The following ZNF160 variants were observed in gnomAD, a reference collection of about 807,000 sequenced individuals.
The protein encoded by ZNF160 is zinc finger protein 160, also known as KRAB zinc finger protein KR18.
A neutral mutation model predicts 13.1 loss-of-function variants in ZNF160; 9 were observed. That is an observed-to-expected ratio of 0.69 (90% confidence interval 0.41 to 1.20). ZNF160 has a LOEUF of 1.20. ZNF160 is among the 50% of genes most tolerant of loss of function. The pLI, the probability that ZNF160 is intolerant of heterozygous loss-of-function variation, is 0.01. For synonymous variants in ZNF160, 293 were observed against 333.2 expected, an observed-to-expected ratio of 0.88 and a Z score of 1.31; for missense variants, 838 against 988.0, an observed-to-expected ratio of 0.85 and a Z score of 2.04.
At chr19:53,079,691 C>T (rs1382909762) in intron 3 of ZNF160, among the ~76,000 whole-genome samples, 4 of 144,524 alleles carry the variant, frequency 2.8e-5, no homozygotes, top group African/African-American at 1.0e-4. Context: ...TGCATCCAAC[C>T]GAAAAACTTT....
chr19:53,090,219 C>G (rs373863995), intron 2 of ZNF160, among the ~76,000 whole-genome samples: 1 of 152,128 alleles, frequency 6.6e-6, no homozygotes, highest in Non-Finnish European at 1.5e-5. Flanking sequence ...AATTCCTCCT[C>G]CTCTCCCCCA....
chr19:53,069,196 A>G lies in ZNF160; in HGVS notation c.1338T>C (p.Val446=). The G allele has an allele frequency of 6.2e-7, 1 of 1,613,968 alleles. No homozygotes were observed. The highest frequency in any genetic ancestry group is 8.5e-7 in the Non-Finnish European group (1 of 1,179,918). The part of the protein sequence containing the change: ...YNSYLGRHRR[V]HTGEKPYKCN... Reference sequence around the variant, plus strand: ...ACTTGTAAGGTTTCTCACCAGTATGAACTCTCCGATGCCTTCCGAGGTATG... The same window carrying G: ...ACTTGTAAGGTTTCTCACCAGTATGGACTCTCCGATGCCTTCCGAGGTATG... The change falls in exon 6 of 6, where the codon GTT becomes GTC. Residue 446 remains valine (V), a synonymous_variant. Coordinates refer to ENST00000683776, the MANE Select transcript of ZNF160 (RefSeq NM_001322131.2). The surrounding 1 kb of genome is among the most constrained non-coding windows in gnomAD (Gnocchi z 4.4).
rs1302031241 is a variant in ZNF160 at position 53,070,155 on chromosome 19, C to T, written c.379G>A (p.Glu127Lys). ...VLERHESPDI[E>K]DFSFKEPQKN... ...TGGGGTTCCTTGAAGGAAAAGTCTT[C>T]AATGTCAGGGCTTTCGTGTCTTTCC... Residue 127 changes from glutamate to lysine, a missense_variant, in exon 6 of 6, where the codon GAA becomes AAA. Glu to Lys is a moderately conservative substitution (Grantham distance 56). Around this residue, in one of 3 missense-constraint regions of ZNF160, gnomAD observed 387 missense variants for 402.3 expected, o/e 0.96. Coordinates refer to ENST00000683776, the MANE Select transcript of ZNF160 (RefSeq NM_001322131.2). 1 of 1,614,138 alleles carries T rather than the reference C, an allele frequency of 6.2e-7. No homozygotes were observed. Among genetic ancestry groups the T allele is most frequent in the African/African-American group, 1.3e-5 (1 of 75,046 alleles).
chr19:53,094,085 G>A (rs944710545), intron 1 of ZNF160, among the ~76,000 whole-genome samples: 1 of 152,112 alleles, frequency 6.6e-6, no homozygotes, highest in Non-Finnish European at 1.5e-5. Context: ...GCATCCGAAA[G>A]CTTCTTGATC....
At chr19:53,075,894 G>A in intron 3 of ZNF160, 1 of 498,218 alleles carries the variant, frequency 2.0e-6, no homozygotes, top group Non-Finnish European at 4.0e-6. Context: ...TGTGTGCGCT[G>A]TTGTGGGATT....
chr19:53,079,789 T>C (rs1182857514), intron 3 of ZNF160, among the ~76,000 whole-genome samples: 1 of 151,824 alleles, frequency 6.6e-6, no homozygotes, highest in East Asian at 2.0e-4. Flanking sequence ...ACAGAAGGCA[T>C]TCAAACAGAA....
intron 1 of ZNF160, among the ~76,000 whole-genome samples, 173 bp from the exon 2 acceptor site, chr19:53,091,893 T>C (rs1051535240): frequency 2.0e-5 from 3 of 152,236 alleles, no homozygotes; most frequent in Admixed American, 2.0e-4. Context: ...TCAACCTCGG[T>C]TCCAGAGCAG....
At chr19:53,071,904 A>G (rs919916263) in intron 5 of ZNF160, among the ~76,000 whole-genome samples, 14 of 152,216 alleles carry the variant, frequency 9.2e-5, no homozygotes, top group African/African-American at 3.1e-4. Context: ...TTATAATGGC[A>G]AAGAGCTCAC....
chr19:53,069,036 G>C lies in ZNF160; in HGVS notation c.1498C>G (p.Arg500Gly), dbSNP rs200872121. The change falls in exon 6 of 6, where the codon CGA (arginine) becomes GGA (glycine). Residue 500 changes from arginine to glycine, a missense_variant. Coordinates refer to ENST00000683776, the MANE Select transcript of ZNF160 (RefSeq NM_001322131.2). This position sits in a 1 kb window ranked among gnomAD's most constrained non-coding sequence, Gnocchi z 4.4. ...GGTTTCTCTCCAGTATGAATTCTTC[G>C]ATGATTTGCAAGTTGTGAATTTTGA... Reference protein sequence around the residue: ...FTQNSQLANHRRIHTGEKPYK... With the variant: ...FTQNSQLANHGRIHTGEKPYK... 1 of 1,613,822 alleles carries C rather than the reference G, an allele frequency of 6.2e-7. No homozygotes were observed. Among genetic ancestry groups the C allele is most frequent in the Non-Finnish European group, 8.5e-7 (1 of 1,179,956 alleles).
chr19:53,094,677 T>G (rs1487617544), intron 1 of ZNF160, among the ~76,000 whole-genome samples: 1 of 152,204 alleles, frequency 6.6e-6, no homozygotes, highest in Non-Finnish European at 1.5e-5. Context: ...CTTAAATTGT[T>G]TGAAATGTTG....
At chr19:53,076,702 AC>A (rs2084405322) in intron 3 of ZNF160, among the ~76,000 whole-genome samples, 1 of 152,190 alleles carries the variant, frequency 6.6e-6, no homozygotes, top group African/African-American at 2.4e-5. Context: ...AGTCCCAAGC[AC>A]TACCCATGGA....
At chr19:53,103,096 G>A (rs1189518257) in intron 1 of ZNF160, among the ~76,000 whole-genome samples, 169 bp downstream of exon 1, 1 of 151,982 alleles carries the variant, frequency 6.6e-6, no homozygotes, top group Non-Finnish European at 1.5e-5. Flanking sequence ...GCGGGAGGAG[G>A]AGTCAGTAAA....
chr19:53,069,535 T>G lies in ZNF160; in HGVS notation c.999A>C (p.Arg333=). The change falls in exon 6 of 6, where the codon CGA becomes CGC. Residue 333 remains arginine (R), a synonymous_variant. Transcript: ENST00000683776. This position sits in a 1 kb window ranked among gnomAD's most constrained non-coding sequence, Gnocchi z 4.4. Reference sequence around the variant, plus strand: ...TGTAAGGTTTCTCTCCAGTATGAATTCGCCGATGAGTTGCAAGGTATGAAT... The same window carrying G: ...TGTAAGGTTTCTCTCCAGTATGAATGCGCCGATGAGTTGCAAGGTATGAAT... ...RHNSYLATHR[R]IHTGEKPYKC... The G allele has an allele frequency of 6.2e-7, 1 of 1,614,182 alleles. No homozygotes were observed. Among genetic ancestry groups the G allele is most frequent in the Non-Finnish European group, 8.5e-7 (1 of 1,180,038 alleles).
At chr19:53,071,721 C>T (rs1386537629) in intron 5 of ZNF160, among the ~76,000 whole-genome samples, 1 of 151,934 alleles carries the variant, frequency 6.6e-6, no homozygotes, top group Non-Finnish European at 1.5e-5. Flanking sequence ...GACCAAAACA[C>T]TCACGTTGTG....
intron 1 of ZNF160, among the ~76,000 whole-genome samples, chr19:53,100,286 G>A (rs2085393875): frequency 6.6e-6 from 1 of 152,194 alleles, no homozygotes; most frequent in South Asian, 2.1e-4. Context: ...ACTATTTTAA[G>A]AGATGACATA....
intron 5 of ZNF160, chr19:53,073,634 G>C: frequency 7.8e-7 from 1 of 1,283,328 alleles, no homozygotes; most frequent in Non-Finnish European, 1.0e-6. Flanking sequence ...TAAATACAGA[G>C]GGAGAGACCA....
chr19:53,089,203 G>A (rs10418505), intron 2 of ZNF160, among the ~76,000 whole-genome samples: 13,692 of 152,194 alleles, frequency 0.09, 957 homozygotes, highest in African/African-American at 0.19. Flanking sequence ...GGGTAGCCCT[G>A]TGGAACTGAC....
intron 1 of ZNF160, among the ~76,000 whole-genome samples, chr19:53,092,531 C>G (rs1329799956): frequency 6.6e-6 from 1 of 152,202 alleles, no homozygotes; most frequent in Admixed American, 6.5e-5. Context: ...CCAGGGTGGT[C>G]TCAAACTCCT....
intron 3 of ZNF160, among the ~76,000 whole-genome samples, chr19:53,081,255 T>A (rs2084619626): frequency 6.6e-6 from 1 of 151,498 alleles, no homozygotes; most frequent in Admixed American, 6.6e-5. Context: ...TGCAGCAAAA[T>A]AAAAAATAGA....
Sources: allele counts gnomAD v4.1 joint callset (sites outside exome capture counted in the v4.1 genomes callset), GRCh38; gene constraint gnomAD v4.1.1; regional missense constraint gnomAD v4.1.1; non-coding constraint Gnocchi (gnomAD v3.1); transcripts MANE v1.5; gene names NCBI Gene and HGNC (gene_info 2026-07-23, HGNC 2026-07-21).